RIC3: variants seen among roughly 807,000 people sequenced by gnomAD.
The protein encoded by RIC3 is RIC3 acetylcholine receptor chaperone.
In RIC3, 28 loss-of-function variants were observed where a neutral mutation model predicts 27.3. The observed-to-expected ratio is 1.02, with a 90% CI of 0.76 to 1.41. RIC3 has a LOEUF of 1.41. Ranked by LOEUF, RIC3 falls within the 40% of genes most tolerant of loss-of-function variation. RIC3 has a pLI of 0.00. For synonymous variants in RIC3, 184 were observed against 160.4 expected (o/e 1.15, Z -1.11); for missense variants, 501 against 444.7 (o/e 1.13, Z -1.14).
At chr11:8,140,513 T>C (rs1948931264) in intron 1 of RIC3, among the ~76,000 whole-genome samples, 1 of 152,198 alleles carries the variant, frequency 6.6e-6, no homozygotes, top group Non-Finnish European at 1.5e-5. Context: ...GCTCAAGGCC[T>C]GGTCTATAAA....
the RIC3 span, chr11:8,101,004 G>A: frequency 2.0e-5 from 33 of 1,613,974 alleles, no homozygotes; most frequent in Middle Eastern, 1.6e-4. Flanking sequence ...GACCGTGAGT[G>A]TTTCTGTCCC....
At chr11:8,142,084 A>C (rs1467232593) in intron 1 of RIC3, among the ~76,000 whole-genome samples, 1 of 149,442 alleles carries the variant, frequency 6.7e-6, no homozygotes, top group Admixed American at 6.7e-5. Context: ...GGAAAGATCC[A>C]AAATTGACAC....
intron 1 of RIC3, among the ~76,000 whole-genome samples, chr11:8,161,198 C>T (rs1440280724): frequency 2.0e-5 from 3 of 152,154 alleles, no homozygotes; most frequent in Non-Finnish European, 4.4e-5. Context: ...AGAGTAGCTA[C>T]CTGTAGAGAT....
chr11:8,108,022 G>A lies in RIC3; in HGVS notation c.*2676C>T, dbSNP rs762442661. On this transcript the variant is annotated 3_prime_UTR_variant, in exon 6 of 6. Coordinates refer to ENST00000309737, the MANE Select transcript of RIC3 (RefSeq NM_001206671.4). ...AAAATAATTCTGGAAAATCCAAAAA[G>A]AATTTTCTAAATCCTAAATAACTGA... 1 of 152,156 alleles carries A rather than the reference G, an allele frequency of 6.6e-6. No homozygotes were observed. Among genetic ancestry groups the A allele is most frequent in the African/African-American group, 2.4e-5 (1 of 41,434 alleles). The allele number at this position is 152,156 out of a possible 1,614,324, so 9.4% of individuals were successfully genotyped here.
intron 3 of RIC3, 68 bp downstream of exon 3, chr11:8,138,204 C>T: frequency 9.2e-7 from 1 of 1,087,548 alleles, no homozygotes; most frequent in Non-Finnish European, 1.4e-6. Flanking sequence ...TACCCACAGA[C>T]TGTCCCTGTG....
At chr11:8,163,526 C>A (rs1329175720) in intron 1 of RIC3, among the ~76,000 whole-genome samples, 1 of 151,632 alleles carries the variant, frequency 6.6e-6, no homozygotes, top group South Asian at 2.1e-4. Context: ...ACAAGTTCAG[C>A]GAGGTGACAA....
At chr11:8,156,933 T>G (rs1950714638) in intron 1 of RIC3, among the ~76,000 whole-genome samples, 1 of 152,180 alleles carries the variant, frequency 6.6e-6, no homozygotes, top group African/African-American at 2.4e-5. Flanking sequence ...AAACACCATC[T>G]CTATCCAATT....
At chr11:8,098,741 T>C in the RIC3 span, 1 of 1,588,100 alleles carries the variant, frequency 6.3e-7, no homozygotes, top group Non-Finnish European at 8.6e-7. Context: ...TCTATACTGA[T>C]TGTGCCTTTA....
chr11:8,163,193 CAT>C (rs768116623), intron 1 of RIC3, among the ~76,000 whole-genome samples: 2 of 151,946 alleles, frequency 1.3e-5, no homozygotes, highest in Non-Finnish European at 2.9e-5. Context: ...ATAATCATCT[CAT>C]AATCATCTCA....
At chr11:8,140,913 T>A (rs1321010186) in intron 1 of RIC3, among the ~76,000 whole-genome samples, 1 of 150,828 alleles carries the variant, frequency 6.6e-6, no homozygotes, top group East Asian at 2.0e-4. Flanking sequence ...AACCCAGAAT[T>A]TCATATCCAG....
chr11:8,128,333 T>C (rs1304714310), intron 4 of RIC3: 2 of 454,020 alleles, frequency 4.4e-6, no homozygotes, highest in Non-Finnish European at 8.9e-6. Context: ...TCCTAAGTCA[T>C]GGGAAATCAG....
chr11:8,165,396 G>T (rs1197464047), intron 1 of RIC3, among the ~76,000 whole-genome samples: 1 of 149,284 alleles, frequency 6.7e-6, no homozygotes, highest in African/African-American at 2.5e-5. Flanking sequence ...GATGAACCTT[G>T]AAAACATTAT....
In RIC3 at chr11:8,126,407, T is replaced by G. The variant is rs142156024; in HGVS notation, c.670+252A>C. On this transcript the variant is annotated intron_variant, in intron 5 of 5. Transcript: ENST00000309737. ...AGGCACAGAAAGCACTTCAGTTGTT[T>G]CCAGGGGCAGGAGAAGGGCATTAGC... 6.5e-3 allele frequency among the ~76,000 whole-genome samples: 984 copies of G among 152,324 alleles called. 22 individuals carry two copies. Among genetic ancestry groups the G allele is most frequent in the Admixed American group, 0.051 (784 of 15,300 alleles).
At chr11:8,105,418 T>G (rs1222978324), downstream of RIC3, 3 of 151,958 alleles carry the variant, frequency 2.0e-5, no homozygotes, top group Non-Finnish European at 2.9e-5. Flanking sequence ...CTTGTTTGAG[T>G]TTATGGCCAC....
In RIC3 at chr11:8,140,012, G is replaced by A; in HGVS notation, c.306C>T (p.Ile102=). The A allele has an allele frequency of 3.1e-6, 5 of 1,614,012 alleles. No homozygotes were observed. Among genetic ancestry groups the A allele is most frequent in the Non-Finnish European group, 4.2e-6 (5 of 1,180,020 alleles). Residue 102 remains isoleucine, a synonymous_variant, in exon 2 of 6, where the codon ATC becomes ATT. Coordinates refer to ENST00000309737, the MANE Select transcript of RIC3 (RefSeq NM_001206671.4). ...TATATAAAAAAATCCCAAAACCGTA[G>A]ATTGGAATAATCTGCCCCATCAGAC... ...GRGLMGQIIP[I]YGFGIFLYIL...
chr11:8,108,269 CTCTT>C lies in RIC3; in HGVS notation c.*2425_*2428del, dbSNP rs1470517089. On this transcript the variant is annotated 3_prime_UTR_variant, in exon 6 of 6. Transcript: ENST00000309737. ...CACACCCTACTGCTTTTTTCAACAA[CTCTT>C]TCTGCCAAGAGTGTCCTCTCTTCTT... 1.3e-5 allele frequency: 2 copies of C among 152,180 alleles called. No homozygotes were observed. Among genetic ancestry groups the C allele is most frequent in the Non-Finnish European group, 2.9e-5 (2 of 68,034 alleles). The allele number at this position is 152,180 out of a possible 1,614,324, so 9.4% of individuals were successfully genotyped here. A position where few individuals can be genotyped will look rare whatever the true frequency, so the allele number is the denominator to read the frequency against.
At chr11:8,094,256 T>A in the RIC3 span, 1 of 1,515,786 alleles carries the variant, frequency 6.6e-7, no homozygotes, top group Non-Finnish European at 8.9e-7. Context: ...GGGGAAGGTT[T>A]GTCCTCCTGA....
rs540242298 is a variant in RIC3, at chr11:8,168,705, C to T, written c.124+161G>A. Among the ~76,000 whole-genome samples, 7 of 152,370 alleles carry T rather than the reference C, an allele frequency of 4.6e-5. No homozygotes were observed. The East Asian group carries it at 1.4e-3, about 29-fold the overall frequency. On this transcript the variant is annotated intron_variant, in intron 1 of 5. Coordinates refer to ENST00000309737, the MANE Select transcript of RIC3 (RefSeq NM_001206671.4). ...CGCCACCCGCTGATAACAACGGAAC[C>T]GTGGGCATTGGCCCTTCAACGCCGT...
At chr11:8,112,693 G>C (rs917976029) in intron 5 of RIC3, among the ~76,000 whole-genome samples, 5 of 152,126 alleles carry the variant, frequency 3.3e-5, no homozygotes, top group African/African-American at 1.2e-4. Context: ...TATATCATGA[G>C]CATCTCTCCA....
Sources: gnomAD v4.1 joint callset for allele counts (sites outside exome capture counted in the v4.1 genomes callset) on GRCh38, gnomAD v4.1.1 for gene constraint, MANE v1.5 for transcripts, NCBI Gene and HGNC (gene_info 2026-07-23, HGNC 2026-07-21) for gene names.